Variants in DNAH3 observed in about 807,000 individuals in gnomAD.
DNAH3 encodes axonemal beta dynein heavy chain 3.
Under a neutral mutation model 432.5 loss-of-function variants are expected in DNAH3, and 332 were observed. The ratio of observed to expected loss-of-function variants is 0.77; its 90% CI spans 0.70 to 0.84. DNAH3 has a LOEUF of 0.84. Ranked by LOEUF, DNAH3 falls within the 40% of genes least tolerant of loss-of-function variation. The pLI is 0.00. For missense variants in DNAH3, 4,861 were observed against 5,114.0 expected (o/e 0.95, Z 1.51); for synonymous variants, 1,956 against 1,900.2 (o/e 1.03, Z -0.76).
chr16:20,964,892 C>A, exon 53 of DNAH3: 1 of 1,614,216 alleles, frequency 6.2e-7, no homozygotes, highest in South Asian at 1.1e-5. Flanking sequence ...AGCAACACGT[C>A]ACCAGTCAGA....
At chr16:20,999,130 C>T (rs576515958) in intron 43 of DNAH3, among the ~76,000 whole-genome samples, 1 of 152,178 alleles carries the variant, frequency 6.6e-6, no homozygotes, top group African/African-American at 2.4e-5. Context: ...TGGCATGTGC[C>T]TGTAGTCCCA....
intron 19 of DNAH3, among the ~76,000 whole-genome samples, chr16:21,084,611 G>A (rs2091302330): frequency 6.6e-6 from 1 of 151,884 alleles, no homozygotes; most frequent in Admixed American, 6.6e-5. Flanking sequence ...CGTGAGCCAC[G>A]GCACCTGACT....
chr16:21,139,320 C>CTTTTTTTTTTTTTTTTTTTTTTTT lies in DNAH3; in HGVS notation c.696+1192_696+1215dup, dbSNP rs9302391. ...AATGTAGCTTGAGACTTTCCTCATG[C>CTTTTTTTTTTTTTTTTTTTTTTTT]TTTTTTTTTTTTTTTTTTTTTTTTT... On this transcript the variant is annotated intron_variant, in intron 5 of 61. Transcript: ENST00000261383. 1.3e-4 allele frequency among the ~76,000 whole-genome samples: 4 copies of CTTTTTTTTTTTTTTTTTTTTTTTT among 29,630 alleles called. 1 individual carries two copies. The highest frequency in any genetic ancestry group is 1.1e-4 in the Non-Finnish European group (2 of 18,814). 19.4% of individuals were successfully genotyped at this position (29,630 alleles called of 152,430 possible).
intron 41 of DNAH3, among the ~76,000 whole-genome samples, chr16:21,011,884 A>G (rs2087620449): frequency 6.6e-6 from 1 of 152,228 alleles, no homozygotes; most frequent in Non-Finnish European, 1.5e-5. Flanking sequence ...AACATTTCCT[A>G]CATACCATGC....
intron 7 of DNAH3, 92 bp downstream of exon 8, chr16:21,134,167 G>T: frequency 7.8e-7 from 1 of 1,275,430 alleles, no homozygotes; most frequent in Non-Finnish European, 1.1e-6. Flanking sequence ...TATGCTGTCA[G>T]GGCTACCCCC....
At chr16:20,979,627 G>A (rs2085763097) in intron 49 of DNAH3, 81 bp from the exon 50 acceptor site, 11 of 1,277,860 alleles carry the variant, frequency 8.6e-6, no homozygotes, top group South Asian at 3.8e-5. Flanking sequence ...TAGACATGAG[G>A]ATATGAGAAG....
intron 37 of DNAH3, among the ~76,000 whole-genome samples, chr16:21,027,335 C>T (rs1391334033): frequency 1.3e-5 from 2 of 152,164 alleles, no homozygotes; most frequent in Non-Finnish European, 2.9e-5. Context: ...TTACATTCTT[C>T]TGGGAGATGA....
At chr16:21,021,354 A>G (rs2088209527) in intron 40 of DNAH3, among the ~76,000 whole-genome samples, 1 of 152,146 alleles carries the variant, frequency 6.6e-6, no homozygotes, top group Non-Finnish European at 1.5e-5. Flanking sequence ...TGCTATGTTC[A>G]TCTCCCTCTA....
At chr16:20,945,732 C>T (rs752271466) in intron 57 of DNAH3, among the ~76,000 whole-genome samples, 1 of 152,216 alleles carries the variant, frequency 6.6e-6, no homozygotes, top group Non-Finnish European at 1.5e-5. Context: ...CCTTGTGATC[C>T]GACCTCTTTG....
At chr16:21,034,183 G>A (rs2089044196) in intron 35 of DNAH3, 98 bp from the exon 36 acceptor site, 5 of 738,330 alleles carry the variant, frequency 6.8e-6, no homozygotes. Flanking sequence ...GTCAGAAGAG[G>A]ATTCTCACAG....
chr16:21,069,585 C>T, exon 23 of DNAH3: 1 of 1,610,986 alleles, frequency 6.2e-7, no homozygotes, highest in Non-Finnish European at 8.5e-7. Flanking sequence ...ATTAGCTTTT[C>T]TTCCCATTTC....
intron 20 of DNAH3, 72 bp from the exon 21 acceptor site, chr16:21,075,633 C>A (rs2090948258): frequency 1.3e-5 from 15 of 1,199,398 alleles, no homozygotes; most frequent in Middle Eastern, 1.9e-4. Flanking sequence ...GAACTTCAGG[C>A]CAGGCATGGT....
At chr16:20,981,241 T>G (rs1316626603) in intron 49 of DNAH3, among the ~76,000 whole-genome samples, 1 of 152,202 alleles carries the variant, frequency 6.6e-6, no homozygotes, top group African/African-American at 2.4e-5. Flanking sequence ...AAAGTACCAG[T>G]TGGATGTCAT....
At chr16:21,137,004 C>T (rs2092652415) in intron 5 of DNAH3, among the ~76,000 whole-genome samples, 2 of 152,090 alleles carry the variant, frequency 1.3e-5, no homozygotes, top group African/African-American at 4.8e-5. Context: ...CGTGGTGGCG[C>T]ACACCTGTAG....
chr16:21,017,815 T>C (rs1327904828), intron 41 of DNAH3, among the ~76,000 whole-genome samples: 1 of 152,184 alleles, frequency 6.6e-6, no homozygotes, highest in Admixed American at 6.5e-5. Context: ...AGTATCTACT[T>C]GCTCATTCAT....
rs766788056 is a variant in DNAH3 at position 21,039,963 on chromosome 16, T to C, written c.4639-20A>G. On this transcript the variant is annotated intron_variant, in intron 32 of 61. Coordinates refer to ENST00000261383, the Ensembl canonical transcript of DNAH3. ...CAAGGCCTGGAAAAGAAACAACAAA[T>C]CAGAATCGGAACACGTGCAGTGAAT... 3 of 1,596,970 alleles carry C rather than the reference T, an allele frequency of 1.9e-6. No individual in the cohort carries two copies. The highest frequency in any genetic ancestry group is 2.6e-6 in the Non-Finnish European group (3 of 1,165,070).
At chr16:21,104,499 C>T in exon 16 of DNAH3, 2 of 1,613,986 alleles carry the variant, frequency 1.2e-6, no homozygotes, top group Non-Finnish European at 1.7e-6. Flanking sequence ...TCTGCCTGAT[C>T]CCTCTTGTGA....
At chr16:21,087,903 A>G (rs1357222638) in intron 18 of DNAH3, among the ~76,000 whole-genome samples, 1 of 152,154 alleles carries the variant, frequency 6.6e-6, no homozygotes, top group African/African-American at 2.4e-5. Flanking sequence ...GTCAAAAAAT[A>G]TATGTATTTT....
intron 1 of DNAH3, among the ~76,000 whole-genome samples, chr16:21,147,263 A>C (rs1319149622): frequency 6.6e-6 from 1 of 151,208 alleles, no homozygotes; most frequent in African/African-American, 2.4e-5. Context: ...TCTGTCACCC[A>C]GGCTAGAGTG....
Sources: allele counts gnomAD v4.1 joint callset (sites outside exome capture counted in the v4.1 genomes callset), GRCh38; gene constraint gnomAD v4.1.1; transcripts MANE v1.5; gene names NCBI Gene and HGNC (gene_info 2026-07-23, HGNC 2026-07-21).